HPCAL1: variants seen among roughly 807,000 people sequenced by gnomAD.
The protein encoded by HPCAL1 is hippocalcin-like protein 1.
Under a neutral mutation model 17.1 loss-of-function variants are expected in HPCAL1, and 8 were observed. The observed-to-expected ratio is 0.47, with a 90% CI of 0.27 to 0.84. The LOEUF is 0.84. Among genes scored for constraint, HPCAL1 ranks in the 40% least tolerant of loss-of-function variants. The pLI is 0.13. For missense variants in HPCAL1, 165 were observed against 271.1 expected, an observed-to-expected ratio of 0.61 and a Z score of 2.75; for synonymous variants, 112 against 111.4, an observed-to-expected ratio of 1.01 and a Z score of -0.03.
chr2:10,395,684 G>A lies in HPCAL1; in HGVS notation c.-110-1151G>A, dbSNP rs1668978285. 6.6e-6 allele frequency among the ~76,000 whole-genome samples: 1 copy of A among 152,200 alleles called. No individual in the cohort carries two copies. Among genetic ancestry groups the A allele is most frequent in the Non-Finnish European group, 1.5e-5 (1 of 68,030 alleles). ...TAGGGAGTGTGCGGTAGATGCGGAA[G>A]AGAAACGGGCCGTCAGGTGAAGTGA... On this transcript the variant is annotated intron_variant, in intron 1 of 4. Coordinates refer to ENST00000307845, the MANE Select transcript of HPCAL1 (RefSeq NM_002149.4). This position sits in a 1 kb window ranked among gnomAD's most constrained non-coding sequence, Gnocchi z 4.4.
chr2:10,400,254 C>T (rs1001495014), intron 2 of HPCAL1, among the ~76,000 whole-genome samples: 1 of 152,198 alleles, frequency 6.6e-6, no homozygotes, highest in Non-Finnish European at 1.5e-5. Context: ...CGCTGGCAAC[C>T]CCGACCGCTG....
chr2:10,327,722 C>T (rs182162018), intron 1 of HPCAL1, among the ~76,000 whole-genome samples: 14 of 152,120 alleles, frequency 9.2e-5, no homozygotes, highest in Admixed American at 2.0e-4. Context: ...GGTATAAGTA[C>T]TCTTACCTTC....
intron 1 of HPCAL1, among the ~76,000 whole-genome samples, chr2:10,361,177 C>T (rs1666502558): frequency 1.3e-5 from 2 of 149,680 alleles, no homozygotes; most frequent in African/African-American, 2.5e-5. Context: ...CAGGCGAGTC[C>T]GTGGGCTCCT....
chr2:10,337,284 C>T (rs1664781566), intron 1 of HPCAL1, among the ~76,000 whole-genome samples: 1 of 152,144 alleles, frequency 6.6e-6, no homozygotes, highest in African/African-American at 2.4e-5. Flanking sequence ...TGTCTTCGTG[C>T]CTCCTCACGT....
At chr2:10,336,579 A>G (rs934257041) in intron 1 of HPCAL1, among the ~76,000 whole-genome samples, 1 of 152,200 alleles carries the variant, frequency 6.6e-6, no homozygotes, top group African/African-American at 2.4e-5. Flanking sequence ...GGTTTGCAGC[A>G]ATGAAGAATT....
At position 10,304,894 on chromosome 2, in the gene HPCAL1, CT is replaced by C. The variant is rs144196514; in HGVS notation, c.-111+1721del. Among the ~76,000 whole-genome samples, 5,576 of 152,264 alleles carry C rather than the reference CT, an allele frequency of 0.037. 141 individuals are homozygous for C. The highest frequency in any genetic ancestry group is 0.11 in the East Asian group (554 of 5,174). ...CTGCGGAGGGGACAGCATGGGCGGC[CT>C]TTTGGTATGGATGCGCTTCCCAACT... On this transcript the variant is annotated intron_variant, in intron 1 of 4. Coordinates refer to ENST00000307845, the MANE Select transcript of HPCAL1 (RefSeq NM_002149.4). This position sits in a 1 kb window ranked among gnomAD's most constrained non-coding sequence, Gnocchi z 4.1.
At chr2:10,423,225 C>A in intron 4 of HPCAL1, 137 bp downstream of exon 4, 1 of 682,284 alleles carries the variant, frequency 1.5e-6, no homozygotes, top group Non-Finnish European at 2.7e-6. Flanking sequence ...CTGGCGCCTG[C>A]CATGCCCAGG....
At chr2:10,426,528 G>A (rs897176860) in intron 4 of HPCAL1, 196 bp from the exon 5 acceptor site, 1 of 573,474 alleles carries the variant, frequency 1.7e-6, no homozygotes, top group African/African-American at 1.9e-5. Flanking sequence ...TGTATTGCAG[G>A]GAGCAGGGAA....
intron 2 of HPCAL1, among the ~76,000 whole-genome samples, chr2:10,399,506 C>T (rs1208698520): frequency 8.6e-5 from 11 of 128,274 alleles, no homozygotes; most frequent in African/African-American, 2.4e-4. Context: ...TCACCATCAC[C>T]ACCACCGCCG....
chr2:10,339,369 GA>G lies in HPCAL1; in HGVS notation c.-111+36193del, dbSNP rs938053509. The stretch of plus-strand genomic sequence containing the variant: ...CACCCAGGCTGGAGTGCAGTGGTGC[GA>G]TCTCGGCTCACTGCAACCTCCGCCT... On this transcript the variant is annotated intron_variant, in intron 1 of 4. Coordinates refer to ENST00000307845, the MANE Select transcript of HPCAL1 (RefSeq NM_002149.4). 8.3e-4 allele frequency among the ~76,000 whole-genome samples: 126 copies of G among 151,572 alleles called. No individual in the cohort carries two copies. The Middle Eastern group carries it at 0.017, about 21-fold the overall frequency.
At chr2:10,369,762 A>G (rs757882009) in intron 1 of HPCAL1, among the ~76,000 whole-genome samples, 10 of 152,226 alleles carry the variant, frequency 6.6e-5, no homozygotes, top group Non-Finnish European at 1.5e-4. Flanking sequence ...TAATCAAATA[A>G]TAATGAATAT....
At chr2:10,326,522 C>T (rs1353837266) in intron 1 of HPCAL1, among the ~76,000 whole-genome samples, 1 of 152,196 alleles carries the variant, frequency 6.6e-6, no homozygotes, top group Admixed American at 6.5e-5. Context: ...GCGTGCTGGC[C>T]TGCCTGCCTT....
chr2:10,405,334 C>T (rs980887936), intron 2 of HPCAL1, among the ~76,000 whole-genome samples: 1 of 152,224 alleles, frequency 6.6e-6, no homozygotes, highest in African/African-American at 2.4e-5. Flanking sequence ...GGGTCTGGAG[C>T]GTTGACACTG....
At chr2:10,373,047 G>A (rs1667324462) in intron 1 of HPCAL1, among the ~76,000 whole-genome samples, 1 of 152,270 alleles carries the variant, frequency 6.6e-6, no homozygotes, top group African/African-American at 2.4e-5. Context: ...TGAGCCCTGG[G>A]CAGTGTTCTG....
intron 1 of HPCAL1, among the ~76,000 whole-genome samples, chr2:10,387,733 C>A (rs148226281): frequency 6.6e-5 from 10 of 152,304 alleles, no homozygotes; most frequent in African/African-American, 2.4e-4. Flanking sequence ...TATTCCGATG[C>A]CTGAATCTTT....
At position 10,310,223 on chromosome 2, in the gene HPCAL1, T is replaced by C. The variant is rs1662867151; in HGVS notation, c.-111+7046T>C. Among the ~76,000 whole-genome samples, 1 of 152,104 alleles carries C rather than the reference T, an allele frequency of 6.6e-6. No homozygotes were observed. Among genetic ancestry groups the C allele is most frequent in the Non-Finnish European group, 1.5e-5 (1 of 68,022 alleles). On this transcript the variant is annotated intron_variant, in intron 1 of 4. Transcript: ENST00000307845. The surrounding 1 kb of genome is among the most constrained non-coding windows in gnomAD (Gnocchi z 4.5). ...GGCTGGTGATGTTCTCTGAGTCTGT[T>C]TGGTCATGTGCAGAAAGGGGTTCTA...
intron 1 of HPCAL1, among the ~76,000 whole-genome samples, chr2:10,356,443 T>C (rs139770592): frequency 6.6e-6 from 1 of 152,238 alleles, no homozygotes; most frequent in Non-Finnish European, 1.5e-5. Context: ...GAGGACGGTG[T>C]GTGCCAGGAC....
At chr2:10,320,741 C>T (rs1045602796) in intron 1 of HPCAL1, among the ~76,000 whole-genome samples, 1 of 152,178 alleles carries the variant, frequency 6.6e-6, no homozygotes, top group African/African-American at 2.4e-5. Context: ...GGCTCCCATT[C>T]ATTCATTCAT....
At chr2:10,315,991 A>G (rs553242976) in intron 1 of HPCAL1, among the ~76,000 whole-genome samples, 6 of 152,330 alleles carry the variant, frequency 3.9e-5, no homozygotes, top group African/African-American at 1.4e-4. Flanking sequence ...TGGGCAACAG[A>G]GTGAGACTTG....
Sources: allele counts gnomAD v4.1 joint callset (sites outside exome capture counted in the v4.1 genomes callset), GRCh38; gene constraint gnomAD v4.1.1; non-coding constraint Gnocchi (gnomAD v3.1); transcripts MANE v1.5; gene names NCBI Gene and HGNC (gene_info 2026-07-23, HGNC 2026-07-21).